Variants in SULF1 observed in about 807,000 individuals in gnomAD.
SULF1 encodes the protein extracellular sulfatase Sulf-1.
SULF1 carries 46 observed loss-of-function variants against 110.5 expected under a neutral mutation model. That is an observed-to-expected ratio of 0.42 (90% CI 0.33 to 0.53). The LOEUF (loss-of-function observed/expected upper bound fraction) is 0.53, where lower values mean the gene tolerates loss of function less well. Among genes scored for constraint, SULF1 ranks in the 20% least tolerant of loss-of-function variants. The probability of loss-of-function intolerance (pLI) is 0.12; values close to 1 mark genes in which losing one functional copy is unlikely to be tolerated. For synonymous variants in SULF1, 371 were observed against 387.1 expected (o/e 0.96, Z 0.49); for missense variants, 941 against 1,094.2 (o/e 0.86, Z 1.98).
intron 3 of SULF1, among the ~76,000 whole-genome samples, chr8:69,538,903 A>T (rs774586153): frequency 1.3e-5 from 2 of 152,084 alleles, no homozygotes; most frequent in Admixed American, 6.6e-5. Context: ...ATGTTGGCCA[A>T]GCTGGTCTCG....
In SULF1 at chr8:69,632,511, A is replaced by G. The variant is rs548005231; in HGVS notation, c.2284+2832A>G. Among the ~76,000 whole-genome samples, 8 of 152,224 alleles carry G rather than the reference A, an allele frequency of 5.3e-5. 1 individual carries two copies. The South Asian group carries it at 1.2e-3, about 24-fold the overall frequency. On this transcript the variant is annotated intron_variant, in intron 19 of 22. Transcript: ENST00000402687. ...TAATAATATTATTGCTGTATTCCTCATATTTGCTATGTCAACTTAAGCCCT... is the reference window on the plus strand; with the variant it reads ...TAATAATATTATTGCTGTATTCCTCGTATTTGCTATGTCAACTTAAGCCCT...
At chr8:69,480,207 A>T (rs1317267035) in intron 1 of SULF1, among the ~76,000 whole-genome samples, 5 of 152,196 alleles carry the variant, frequency 3.3e-5, no homozygotes, top group Non-Finnish European at 5.9e-5. Context: ...CGACTTCAAA[A>T]CAATTTTCAC....
intron 19 of SULF1, among the ~76,000 whole-genome samples, chr8:69,631,636 C>T (rs1207427652): frequency 6.6e-6 from 1 of 152,268 alleles, no homozygotes. Context: ...ACACTGGGAC[C>T]ATTGCCTCCT....
intron 6 of SULF1, among the ~76,000 whole-genome samples, chr8:69,582,161 C>G (rs552112859): frequency 6.6e-6 from 1 of 151,698 alleles, no homozygotes; most frequent in Non-Finnish European, 1.5e-5. Flanking sequence ...ACAAAAAAAC[C>G]CCAACAATGA....
chr8:69,624,691 G>T (rs1366221721), intron 15 of SULF1, among the ~76,000 whole-genome samples: 1 of 152,194 alleles, frequency 6.6e-6, no homozygotes, highest in African/African-American at 2.4e-5. Context: ...CGCTTCCAGA[G>T]AGATGATGTA....
intron 22 of SULF1, among the ~76,000 whole-genome samples, chr8:69,656,473 CCAA>C (rs1812741541): frequency 6.6e-6 from 1 of 152,182 alleles, no homozygotes; most frequent in Non-Finnish European, 1.5e-5. Flanking sequence ...TCTCTTTCTC[CCAA>C]CAACCCCACA....
At chr8:69,606,709 G>T (rs1040593098) in intron 13 of SULF1, among the ~76,000 whole-genome samples, 1 of 152,274 alleles carries the variant, frequency 6.6e-6, no homozygotes, top group East Asian at 1.9e-4. Flanking sequence ...TTTCACTCAC[G>T]AGCTGAATGC....
In SULF1 at chr8:69,601,847, T is replaced by G; in HGVS notation, c.1061+18T>G. On this transcript the variant is annotated intron_variant, in intron 10 of 22. Transcript: ENST00000402687. ...GGATCAATGTACGTATTTCTCTGTT[T>G]GCAACATTCAACTGTCGTACCTCAA... The G allele has an allele frequency of 1.3e-6, 2 of 1,588,974 alleles. No homozygotes were observed. Among genetic ancestry groups the G allele is most frequent in the Non-Finnish European group, 1.7e-6 (2 of 1,165,986 alleles).
At chr8:69,504,912 C>T (rs1228116017) in intron 3 of SULF1, among the ~76,000 whole-genome samples, 1 of 152,098 alleles carries the variant, frequency 6.6e-6, no homozygotes, top group East Asian at 1.9e-4. Context: ...AAATAGGGAC[C>T]ACTTTACTGG....
At chr8:69,646,844 C>T (rs1456909237) in intron 22 of SULF1, among the ~76,000 whole-genome samples, 1 of 151,642 alleles carries the variant, frequency 6.6e-6, no homozygotes, top group African/African-American at 2.4e-5. Context: ...GAGATATTAC[C>T]TGAAAAGTAA....
At chr8:69,533,941 GA>G (rs1332571174) in intron 3 of SULF1, among the ~76,000 whole-genome samples, 2 of 152,066 alleles carry the variant, frequency 1.3e-5, no homozygotes, top group African/African-American at 2.4e-5. Flanking sequence ...TAATAGTCTA[GA>G]AAAAAAATTT....
At chr8:69,471,250 A>T (rs1307821519) in intron 1 of SULF1, among the ~76,000 whole-genome samples, 1 of 152,152 alleles carries the variant, frequency 6.6e-6, no homozygotes, top group African/African-American at 2.4e-5. Flanking sequence ...GGCCTGGTCC[A>T]CTTTAATGAC....
At chr8:69,587,435 G>A (rs1806548212) in intron 7 of SULF1, among the ~76,000 whole-genome samples, 1 of 152,016 alleles carries the variant, frequency 6.6e-6, no homozygotes, top group Admixed American at 6.6e-5. Flanking sequence ...GGACTTGATG[G>A]GAGATAAGAT....
chr8:69,627,702 TGAAAA>T lies in SULF1; in HGVS notation c.1948-63_1948-59del, dbSNP rs1424023215. ...TTATTACAGAACAGAGAAAACAAGGTGAAAAGAAAAGTACTTTGTAAAGAAAATCC... is the reference window on the plus strand; with the variant it reads ...TTATTACAGAACAGAGAAAACAAGGTGAAAAGTACTTTGTAAAGAAAATCC... On this transcript the variant is annotated intron_variant, in intron 16 of 22. Transcript: ENST00000402687. The T allele has an allele frequency of 1.7e-5, 18 of 1,038,382 alleles. No homozygotes were observed. In the African/African-American group the frequency reaches 2.4e-4, roughly 14 times the overall value. 64.3% of individuals were successfully genotyped at this position (1,038,382 alleles called of 1,614,324 possible). A position where few individuals can be genotyped will look rare whatever the true frequency, so the allele number is the denominator to read the frequency against.
chr8:69,601,485 T>C (rs752038), intron 9 of SULF1, among the ~76,000 whole-genome samples, 169 bp from the exon 10 acceptor site: 17,705 of 152,270 alleles, frequency 0.12, 1,301 homozygotes, highest in Middle Eastern at 0.22. Flanking sequence ...CCATTGGACC[T>C]TTCCCTCCCA....
chr8:69,610,618 A>G (rs1488805418), intron 13 of SULF1, among the ~76,000 whole-genome samples: 1 of 152,204 alleles, frequency 6.6e-6, no homozygotes, highest in Admixed American at 6.5e-5. Flanking sequence ...TCTTCAACCC[A>G]TGCTGAAGCT....
At chr8:69,516,225 A>C (rs1021060950) in intron 3 of SULF1, among the ~76,000 whole-genome samples, 1 of 152,182 alleles carries the variant, frequency 6.6e-6, no homozygotes, top group African/African-American at 2.4e-5. Context: ...AAGAGATTTA[A>C]TTGGCTCACA....
At chr8:69,551,602 A>C (rs2150693457) in intron 3 of SULF1, among the ~76,000 whole-genome samples, 1 of 152,324 alleles carries the variant, frequency 6.6e-6, no homozygotes, top group African/African-American at 2.4e-5. Context: ...TATTTTGTAG[A>C]TAGAAAATAA....
intron 1 of SULF1, among the ~76,000 whole-genome samples, chr8:69,475,588 C>G (rs543023501): frequency 6.6e-6 from 1 of 152,196 alleles, no homozygotes; most frequent in East Asian, 1.9e-4. Context: ...GAAATGGTGG[C>G]TCAATCTAAA....
Sources: allele counts gnomAD v4.1 joint callset (sites outside exome capture counted in the v4.1 genomes callset), GRCh38; gene constraint gnomAD v4.1.1; transcripts MANE v1.5; gene names NCBI Gene and HGNC (gene_info 2026-07-23, HGNC 2026-07-21).